DHX15: variants seen among roughly 807,000 people sequenced by gnomAD.
DHX15 encodes ATP-dependent RNA helicase DHX15.
DHX15 carries 11 observed loss-of-function variants against 94.4 expected under a neutral mutation model. That is an observed-to-expected ratio of 0.12 (90% CI 0.07 to 0.19). The LOEUF is 0.19. Ranked by LOEUF, DHX15 falls within the 10% of genes least tolerant of loss-of-function variation. The probability of loss-of-function intolerance (pLI) is 1.00; values close to 1 mark genes in which losing one functional copy is unlikely to be tolerated. For missense variants in DHX15, 304 were observed against 988.5 expected, an observed-to-expected ratio of 0.31 and a Z score of 9.29; for synonymous variants, 338 against 329.9, an observed-to-expected ratio of 1.02 and a Z score of -0.27.
intron 3 of DHX15, among the ~76,000 whole-genome samples, chr4:24,564,064 C>T (rs1347103475): frequency 1.5e-4 from 3 of 19,420 alleles, no homozygotes; most frequent in Non-Finnish European, 2.9e-4. Flanking sequence ...AAGACTCCGT[C>T]TCAAAAAAAA....
At chr4:24,557,475 C>T (rs967123698) in intron 3 of DHX15, among the ~76,000 whole-genome samples, 4 of 152,180 alleles carry the variant, frequency 2.6e-5, no homozygotes, top group African/African-American at 9.6e-5. Flanking sequence ...CTCATGCCAT[C>T]TGCTGGAGCA....
chr4:24,551,309 T>TG (rs1350156706), intron 5 of DHX15, among the ~76,000 whole-genome samples: 1 of 150,842 alleles, frequency 6.6e-6, no homozygotes, highest in African/African-American at 2.4e-5. Flanking sequence ...ACAAAGTGCG[T>TG]GTTTTTTTCA....
At chr4:24,565,438 C>T (rs1199884781) in intron 3 of DHX15, among the ~76,000 whole-genome samples, 4 of 152,176 alleles carry the variant, frequency 2.6e-5, no homozygotes, top group Admixed American at 2.6e-4. Flanking sequence ...TTACCCTTAC[C>T]TAACTTATGT....
In DHX15 at chr4:24,583,015, T is replaced by C. The variant is rs1577355059; in HGVS notation, c.71+1308A>G. Among the ~76,000 whole-genome samples, 4 of 152,344 alleles carry C rather than the reference T, an allele frequency of 2.6e-5. No homozygotes were observed. The East Asian group carries it at 7.7e-4, about 29-fold the overall frequency. On this transcript the variant is annotated intron_variant, in intron 1 of 13. Transcript: ENST00000336812. Reference sequence around the variant, plus strand: ...AAGCCTCAAAAAGTACACCCTATCCTGGCTTATACTCTACAATGACACTAA... The same window carrying C: ...AAGCCTCAAAAAGTACACCCTATCCCGGCTTATACTCTACAATGACACTAA...
At chr4:24,574,492 T>C (rs1722198837) in intron 2 of DHX15, among the ~76,000 whole-genome samples, 1 of 150,310 alleles carries the variant, frequency 6.7e-6, no homozygotes, top group African/African-American at 2.5e-5. Flanking sequence ...TGAGTTGACC[T>C]GACCTCCTTC....
At chr4:24,539,949 T>C (rs1342564029) in intron 10 of DHX15, 159 bp downstream of exon 10, 2 of 497,444 alleles carry the variant, frequency 4.0e-6, no homozygotes, top group Non-Finnish European at 3.5e-6. Context: ...CACTATGTCA[T>C]TACGAAGCTA....
chr4:24,531,663 G>A (rs1721086484), intron 12 of DHX15, among the ~76,000 whole-genome samples: 1 of 152,020 alleles, frequency 6.6e-6, no homozygotes, highest in South Asian at 2.1e-4. Context: ...AAGCTGCAGT[G>A]AGCCGTGATT....
intron 11 of DHX15, 122 bp from the exon 12 acceptor site, chr4:24,533,176 C>T (rs781062785): frequency 6.9e-6 from 6 of 868,588 alleles, no homozygotes; most frequent in Non-Finnish European, 1.1e-5. Context: ...GATTTACCCA[C>T]AACATTTTCT....
intron 3 of DHX15, among the ~76,000 whole-genome samples, chr4:24,565,991 A>G (rs371417086): frequency 1.3e-5 from 2 of 152,138 alleles, no homozygotes. Flanking sequence ...CACTGACCCT[A>G]GAGGCTATGC....
At chr4:24,552,663 T>C (rs1159088869) in intron 5 of DHX15, among the ~76,000 whole-genome samples, 3 of 152,228 alleles carry the variant, frequency 2.0e-5, no homozygotes, top group Non-Finnish European at 4.4e-5. Flanking sequence ...AGACCAGCTC[T>C]ACTACTAAAT....
intron 3 of DHX15, among the ~76,000 whole-genome samples, chr4:24,569,407 A>G (rs905665153): frequency 6.6e-6 from 1 of 152,098 alleles, no homozygotes. Context: ...CCTGGCCAAC[A>G]TAGTGAAACC....
intron 1 of DHX15, among the ~76,000 whole-genome samples, chr4:24,578,755 G>T (rs1484381486): frequency 1.3e-5 from 2 of 151,994 alleles, no homozygotes; most frequent in Non-Finnish European, 2.9e-5. Context: ...GTAGAGATAA[G>T]GGTCTCACCA....
chr4:24,534,340 G>A (rs1420392776), intron 11 of DHX15: 2 of 152,150 alleles, frequency 1.3e-5, no homozygotes, highest in African/African-American at 4.8e-5. Flanking sequence ...TTGTTGATTT[G>A]CAGACTATGG....
chr4:24,577,998 G>A (rs1722313065), intron 1 of DHX15, among the ~76,000 whole-genome samples: 1 of 152,066 alleles, frequency 6.6e-6, no homozygotes, highest in African/African-American at 2.4e-5. Flanking sequence ...GCAGTTGTGT[G>A]ACATGTACAA....
chr4:24,543,723 A>C (rs879840908), intron 6 of DHX15, among the ~76,000 whole-genome samples: 5 of 152,164 alleles, frequency 3.3e-5, no homozygotes, highest in Admixed American at 3.3e-4. Flanking sequence ...TATATATTAC[A>C]TATGTTTTAG....
chr4:24,528,894 G>C (rs1161588118), intron 13 of DHX15, among the ~76,000 whole-genome samples: 1 of 150,632 alleles, frequency 6.6e-6, no homozygotes, highest in South Asian at 2.1e-4. Flanking sequence ...CAAAAAAAAT[G>C]TTAAAAAACA....
At chr4:24,530,143 C>T (rs1721045141) in intron 12 of DHX15, 2 of 286,704 alleles carry the variant, frequency 7.0e-6, no homozygotes, top group Non-Finnish European at 1.3e-5. Flanking sequence ...GCTCCAAGAG[C>T]AGGCAGTGTT....
intron 11 of DHX15, chr4:24,533,320 T>TCCCATTAACATCCA (rs1301454222): frequency 2.1e-6 from 1 of 475,688 alleles, no homozygotes; most frequent in Non-Finnish European, 3.8e-6. Flanking sequence ...GAATTACTTC[T>TCCCATTAACATCCA]CCCATTAACA....
chr4:24,546,273 G>A (rs192295572), intron 6 of DHX15, among the ~76,000 whole-genome samples: 1 of 152,222 alleles, frequency 6.6e-6, no homozygotes, highest in East Asian at 1.9e-4. Flanking sequence ...ATCTCCACAA[G>A]GGCCATTTCT....
Sources: allele counts gnomAD v4.1 joint callset (sites outside exome capture counted in the v4.1 genomes callset), GRCh38; gene constraint gnomAD v4.1.1; transcripts MANE v1.5; gene names NCBI Gene and HGNC (gene_info 2026-07-23, HGNC 2026-07-21).